GRM7: variants seen among roughly 807,000 people sequenced by gnomAD.
GRM7 encodes the protein metabotropic glutamate receptor 7.
A neutral mutation model predicts 84.5 loss-of-function variants in GRM7; 35 were observed. The observed-to-expected ratio is 0.41, with a 90% CI of 0.32 to 0.55. The LOEUF is 0.55. GRM7 is among the 20% of genes least tolerant of loss of function. GRM7 has a pLI of 0.19. For missense variants in GRM7, 1,003 were observed against 1,194.6 expected (o/e 0.84, Z 2.36); for synonymous variants, 487 against 455.1 (o/e 1.07, Z -0.89).
rs1200043641 is a variant in GRM7, at chr3:6,861,764, C to G, written c.376C>G (p.Leu126Val). ...LEQSLTFVQA[L>V]IQKDTSDVRC... ...ACAGTCGCTTACTTTCGTCCAGGCGCTCATCCAGAAGGACACCTCCGACGT... is the reference window on the plus strand; with the variant it reads ...ACAGTCGCTTACTTTCGTCCAGGCGGTCATCCAGAAGGACACCTCCGACGT... Residue 126 changes from leucine to valine, a missense_variant, in exon 1 of 10, where the codon CTC becomes GTC. Transcript: ENST00000357716. The surrounding 1 kb of genome is among the most constrained non-coding windows in gnomAD (Gnocchi z 6.4). 1 of 1,614,238 alleles carries G rather than the reference C, an allele frequency of 6.2e-7. No homozygotes were observed. The highest frequency in any genetic ancestry group is 2.2e-5 in the East Asian group (1 of 44,858).
At chr3:7,178,257 A>T (rs775805160) in intron 2 of GRM7, among the ~76,000 whole-genome samples, 5 of 152,222 alleles carry the variant, frequency 3.3e-5, no homozygotes, top group Non-Finnish European at 7.3e-5. Context: ...TAGACATAAC[A>T]TATGAGATAA....
At chr3:6,951,130 C>T (rs111733567) in intron 1 of GRM7, among the ~76,000 whole-genome samples, 13,948 of 152,264 alleles carry the variant, frequency 0.092, 674 homozygotes, top group Middle Eastern at 0.12. Context: ...TCTTCTGCGT[C>T]GCTCACACTG....
chr3:7,676,354 A>G (rs1343137220), intron 8 of GRM7, among the ~76,000 whole-genome samples: 1 of 152,174 alleles, frequency 6.6e-6, no homozygotes, highest in Non-Finnish European at 1.5e-5. Context: ...CTGTGGACTG[A>G]AGCCTTCTTA....
In GRM7 at chr3:7,726,649, A is replaced by C. The variant is rs1252061844; in HGVS notation, c.2699-13708A>C. Among the ~76,000 whole-genome samples, 373 of 103,580 alleles carry C rather than the reference A, an allele frequency of 3.6e-3. 16 individuals are homozygous for C. The highest frequency in any genetic ancestry group is 0.014 in the African/African-American group (358 of 25,446). The allele number at this position is 103,580 out of a possible 152,430, so 68.0% of individuals were successfully genotyped here. ...TATATATATATATATATATATATAT[A>C]TATATATATATATATAGGTTTTCCC... On this transcript the variant is annotated intron_variant, in intron 9 of 9. Coordinates refer to ENST00000357716, the MANE Select transcript of GRM7 (RefSeq NM_000844.4).
chr3:7,298,688 A>T lies in GRM7; in HGVS notation c.741A>T (p.Gly247=), dbSNP rs150194225. 5.1e-5 allele frequency: 82 copies of T among 1,612,952 alleles called. 1 individual carries two copies. The Middle Eastern group carries it at 2.3e-3, about 45-fold the overall frequency. The part of the protein sequence containing the change: ...SFTQISKEAG[G]LCIAQSVRIP... ...ATGTTTTCTTCTCTTAAACAGGTGGACTCTGCATTGCCCAGTCCGTGAGAA... is the reference window on the plus strand; with the variant it reads ...ATGTTTTCTTCTCTTAAACAGGTGGTCTCTGCATTGCCCAGTCCGTGAGAA... Residue 247 remains glycine (G), a synonymous_variant, in exon 3 of 10, where the codon GGA becomes GGT. Transcript: ENST00000357716.
chr3:6,978,164 A>G (rs1332705730), intron 1 of GRM7, among the ~76,000 whole-genome samples: 1 of 152,166 alleles, frequency 6.6e-6, no homozygotes, highest in Non-Finnish European at 1.5e-5. Flanking sequence ...GAGAAAATCA[A>G]GTAGAAATAG....
intron 7 of GRM7, among the ~76,000 whole-genome samples, chr3:7,471,777 G>A (rs945018613): frequency 6.6e-6 from 1 of 152,200 alleles, no homozygotes; most frequent in Non-Finnish European, 1.5e-5. Context: ...GGGGAGTTGA[G>A]AAGAATGGAT....
intron 8 of GRM7, among the ~76,000 whole-genome samples, chr3:7,582,650 A>T (rs1695314727): frequency 8.5e-6 from 1 of 117,398 alleles, no homozygotes; most frequent in African/African-American, 2.6e-5. Context: ...TGTGCATATT[A>T]TAACAGAACA....
intron 1 of GRM7, among the ~76,000 whole-genome samples, chr3:7,118,891 C>G (rs1379933521): frequency 6.6e-6 from 1 of 152,228 alleles, no homozygotes; most frequent in Non-Finnish European, 1.5e-5. Context: ...TACACTGTGT[C>G]CTACTTAGGT....
intron 7 of GRM7, among the ~76,000 whole-genome samples, chr3:7,568,778 T>A (rs2125043532): frequency 6.6e-6 from 1 of 152,228 alleles, no homozygotes; most frequent in South Asian, 2.1e-4. Flanking sequence ...CCCCCAACAG[T>A]ACCGGCCCAC....
At chr3:7,436,177 C>A (rs1008954395) in intron 5 of GRM7, among the ~76,000 whole-genome samples, 3 of 152,016 alleles carry the variant, frequency 2.0e-5, no homozygotes, top group African/African-American at 7.2e-5. Context: ...ATAAAAATAA[C>A]CTTTGTTTTC....
At chr3:7,316,900 ACACTTGCTAGAATATTCTGT>A (rs1228599920) in intron 4 of GRM7, among the ~76,000 whole-genome samples, 10 of 152,284 alleles carry the variant, frequency 6.6e-5, no homozygotes, top group Admixed American at 2.6e-4. Flanking sequence ...GGACCAAAGG[ACACTTGCTAGAATATTCTGT>A]CACTTGCTAG....
At chr3:7,326,334 C>T (rs149321696) in intron 4 of GRM7, among the ~76,000 whole-genome samples, 18 of 152,094 alleles carry the variant, frequency 1.2e-4, no homozygotes, top group African/African-American at 4.1e-4. Context: ...TTAGGTGGGA[C>T]GGCAGGTGAG....
chr3:7,019,730 T>C (rs140024981), intron 1 of GRM7, among the ~76,000 whole-genome samples: 31 of 152,306 alleles, frequency 2.0e-4, no homozygotes, highest in Non-Finnish European at 3.8e-4. Context: ...TGTGAAAGTG[T>C]AGCCTGTGAA....
chr3:7,549,532 C>T (rs1693339719), intron 7 of GRM7, among the ~76,000 whole-genome samples: 3 of 152,140 alleles, frequency 2.0e-5, no homozygotes. Flanking sequence ...GCAACTGAAG[C>T]ACCTTAACTA....
intron 7 of GRM7, among the ~76,000 whole-genome samples, chr3:7,501,482 A>T (rs1336052070): frequency 6.6e-6 from 1 of 152,182 alleles, no homozygotes; most frequent in Non-Finnish European, 1.5e-5. Context: ...CATTTAATGG[A>T]CAATAGCCAT....
At chr3:7,603,851 G>A (rs73116078) in intron 8 of GRM7, among the ~76,000 whole-genome samples, 25,549 of 151,986 alleles carry the variant, frequency 0.17, 2,138 homozygotes, top group East Asian at 0.26. Context: ...GAACACAGGA[G>A]GATGTTACAG....
intron 9 of GRM7, among the ~76,000 whole-genome samples, chr3:7,708,564 A>G (rs1319613778): frequency 1.3e-5 from 2 of 152,192 alleles, no homozygotes; most frequent in African/African-American, 4.8e-5. Flanking sequence ...GGTGCATTTA[A>G]CTTTATACAG....
At chr3:7,069,583 T>G (rs914321235) in intron 1 of GRM7, among the ~76,000 whole-genome samples, 4 of 152,096 alleles carry the variant, frequency 2.6e-5, no homozygotes, top group African/African-American at 4.8e-5. Flanking sequence ...AGTAAAGAGA[T>G]AGTTTTTCTT....
Sources: allele counts gnomAD v4.1 joint callset (sites outside exome capture counted in the v4.1 genomes callset), GRCh38; gene constraint gnomAD v4.1.1; non-coding constraint Gnocchi (gnomAD v3.1); transcripts MANE v1.5; gene names NCBI Gene and HGNC (gene_info 2026-07-23, HGNC 2026-07-21).